Variants in ZFAND3 observed in about 807,000 individuals in gnomAD.
ZFAND3 encodes the protein zinc finger AN1-type containing 3.
Under a neutral mutation model 29.6 loss-of-function variants are expected in ZFAND3, and 10 were observed. The ratio of observed to expected loss-of-function variants is 0.34; its 90% confidence interval spans 0.21 to 0.57. The LOEUF (loss-of-function observed/expected upper bound fraction) is 0.57. Ranked by LOEUF, ZFAND3 falls within the 20% of genes least tolerant of loss-of-function variation. The pLI is 0.86. For synonymous variants in ZFAND3, 128 were observed against 112.6 expected (o/e 1.14, Z -0.87); for missense variants, 230 against 304.5 (o/e 0.76, Z 1.82).
chr6:38,084,059 T>C (rs1158117337), intron 4 of ZFAND3, among the ~76,000 whole-genome samples: 3 of 152,164 alleles, frequency 2.0e-5, no homozygotes, highest in African/African-American at 4.8e-5. Context: ...TGAGATAATA[T>C]TGCTAGTAAG....
chr6:37,908,311 T>C (rs1484727006), intron 1 of ZFAND3, among the ~76,000 whole-genome samples: 2 of 152,212 alleles, frequency 1.3e-5, no homozygotes, highest in Non-Finnish European at 2.9e-5. Flanking sequence ...AAGTGAGTTA[T>C]AGCACAGATC....
At chr6:37,861,212 G>A (rs1467851853) in intron 1 of ZFAND3, among the ~76,000 whole-genome samples, 1 of 152,106 alleles carries the variant, frequency 6.6e-6, no homozygotes, top group African/African-American at 2.4e-5. Context: ...AGCCAAGATC[G>A]TGCCACTGCA....
At chr6:37,843,527 C>T (rs1341013920) in intron 1 of ZFAND3, among the ~76,000 whole-genome samples, 1 of 151,726 alleles carries the variant, frequency 6.6e-6, no homozygotes, top group Admixed American at 6.6e-5. Flanking sequence ...GCTTGTTATA[C>T]AGTTTTGTAA....
chr6:37,849,202 C>T (rs772286520), intron 1 of ZFAND3, among the ~76,000 whole-genome samples: 19 of 152,016 alleles, frequency 1.2e-4, no homozygotes, highest in Non-Finnish European at 2.6e-4. Flanking sequence ...ATGGGAGAGA[C>T]GGGGGAGGAC....
chr6:38,110,313 T>TA (rs749765995), intron 4 of ZFAND3, among the ~76,000 whole-genome samples: 5 of 152,170 alleles, frequency 3.3e-5, no homozygotes, highest in Non-Finnish European at 7.4e-5. Flanking sequence ...AATTTTTTTT[T>TA]AATGGGTAGC....
chr6:38,026,815 A>T lies in ZFAND3; in HGVS notation c.113-34778A>T, dbSNP rs1237314371. Reference sequence around the variant, plus strand: ...AGAGAGAGAGAGAGAGAGAGAGTGTAATTTAATACTAGGTATCTCCCTCAA... The same window carrying T: ...AGAGAGAGAGAGAGAGAGAGAGTGTTATTTAATACTAGGTATCTCCCTCAA... On this transcript the variant is annotated intron_variant, in intron 2 of 5. Coordinates refer to ENST00000287218, the MANE Select transcript of ZFAND3 (RefSeq NM_021943.3). Among the ~76,000 whole-genome samples, 3 of 146,882 alleles carry T rather than the reference A, an allele frequency of 2.0e-5. No individual in the cohort carries two copies. In the East Asian group the frequency reaches 6.0e-4, roughly 30 times the overall value.
intron 4 of ZFAND3, among the ~76,000 whole-genome samples, chr6:38,102,123 T>C (rs1765106638): frequency 6.6e-6 from 1 of 152,152 alleles, no homozygotes; most frequent in African/African-American, 2.4e-5. Flanking sequence ...CTCCTCTTTC[T>C]TCTCTTTCTC....
chr6:37,902,760 T>TA (rs1554155252), intron 1 of ZFAND3, among the ~76,000 whole-genome samples: 1 of 148,036 alleles, frequency 6.8e-6, no homozygotes, highest in South Asian at 2.2e-4. Context: ...TTTTTTTTTT[T>TA]AAGAGATGAT....
chr6:37,997,240 A>G (rs1762866384), intron 2 of ZFAND3, among the ~76,000 whole-genome samples: 1 of 152,190 alleles, frequency 6.6e-6, no homozygotes, highest in Non-Finnish European at 1.5e-5. Flanking sequence ...GATACAGGCA[A>G]TATTAAATTA....
chr6:38,138,898 C>A (rs76626862), intron 5 of ZFAND3, among the ~76,000 whole-genome samples: 2,150 of 152,144 alleles, frequency 0.014, 59 homozygotes, highest in African/African-American at 0.049. Context: ...CATTGGATAT[C>A]GGGATTTGGA....
chr6:38,045,076 T>TTATC (rs1763872101), intron 2 of ZFAND3, among the ~76,000 whole-genome samples: 1 of 148,202 alleles, frequency 6.7e-6, no homozygotes, highest in South Asian at 2.1e-4. Flanking sequence ...ATTTATTTAT[T>TTATC]TATTTATTTA....
intron 2 of ZFAND3, among the ~76,000 whole-genome samples, chr6:37,971,237 G>A (rs1396819126): frequency 6.6e-6 from 1 of 151,970 alleles, no homozygotes; most frequent in Non-Finnish European, 1.5e-5. Context: ...AAGCCGTCTC[G>A]TGCCCCAGCC....
intron 1 of ZFAND3, among the ~76,000 whole-genome samples, chr6:37,854,964 G>GT (rs34283914): frequency 0.36 from 28,517 of 79,456 alleles, 6,213 homozygotes; most frequent in Non-Finnish European, 0.48. Flanking sequence ...AATAATAGGT[G>GT]TTTTTTTTTT....
chr6:38,003,688 TAGAGACGGG>T, intron 2 of ZFAND3: 5 of 321,446 alleles, frequency 1.6e-5, no homozygotes, highest in South Asian at 4.6e-5. Context: ...TTTTTTTTTG[TAGAGACGGG>T]GTTTTGCCAT....
At chr6:38,061,506 A>G (rs1423192026) in intron 2 of ZFAND3, 87 bp from the exon 3 acceptor site, 14 of 1,502,338 alleles carry the variant, frequency 9.3e-6, no homozygotes, top group East Asian at 7.0e-5. Context: ...GTGTTGTTGC[A>G]TTTAATTTTT....
chr6:37,881,275 G>T (rs1429007121), intron 1 of ZFAND3, among the ~76,000 whole-genome samples: 1 of 152,098 alleles, frequency 6.6e-6, no homozygotes, highest in Non-Finnish European at 1.5e-5. Context: ...TAGTAGAGAT[G>T]GGGTTTCCGT....
At chr6:38,062,043 G>T (rs1764251557) in intron 3 of ZFAND3, among the ~76,000 whole-genome samples, 1 of 152,184 alleles carries the variant, frequency 6.6e-6, no homozygotes, top group Admixed American at 6.5e-5. Flanking sequence ...TCCACTGGGG[G>T]TTTTTAAAAC....
At chr6:37,917,979 C>T (rs928470552) in intron 1 of ZFAND3, among the ~76,000 whole-genome samples, 2 of 152,150 alleles carry the variant, frequency 1.3e-5, no homozygotes, top group African/African-American at 4.8e-5. Flanking sequence ...ATTGCTTTCT[C>T]CTCCTCCATA....
At chr6:37,859,631 T>C (rs1249356941) in intron 1 of ZFAND3, among the ~76,000 whole-genome samples, 1 of 152,180 alleles carries the variant, frequency 6.6e-6, no homozygotes, top group Non-Finnish European at 1.5e-5. Flanking sequence ...CTGGAGACCT[T>C]CAGGTGAGGC....
Sources: allele counts gnomAD v4.1 joint callset (sites outside exome capture counted in the v4.1 genomes callset), GRCh38; gene constraint gnomAD v4.1.1; transcripts MANE v1.5; gene names NCBI Gene and HGNC (gene_info 2026-07-23, HGNC 2026-07-21).